The following RAB3B variants were observed in gnomAD, a reference collection of about 807,000 sequenced individuals.
RAB3B encodes RAB3B, member RAS oncogene family.
Under a neutral mutation model 20.5 loss-of-function variants are expected in RAB3B, and 11 were observed. The observed-to-expected ratio is 0.54, with a 90% CI of 0.34 to 0.89. The LOEUF is 0.89. Among genes scored for constraint, RAB3B ranks in the 40% least tolerant of loss-of-function variants. RAB3B has a pLI of 0.02. For synonymous variants in RAB3B, 99 were observed against 106.3 expected (o/e 0.93, Z 0.42); for missense variants, 225 against 280.9 (o/e 0.80, Z 1.42).
intron 2 of RAB3B, among the ~76,000 whole-genome samples, chr1:51,941,841 G>C (rs1684499024): frequency 6.6e-6 from 1 of 152,208 alleles, no homozygotes. Flanking sequence ...AGTTCTGGAA[G>C]ATATTTTCTC....
chr1:51,935,372 T>C (rs1416403683), intron 3 of RAB3B, among the ~76,000 whole-genome samples: 3 of 152,146 alleles, frequency 2.0e-5, no homozygotes, highest in African/African-American at 7.2e-5. Context: ...GCACTGGGGC[T>C]TGGATGGCAG....
chr1:51,970,063 C>T (rs575216366), intron 2 of RAB3B, among the ~76,000 whole-genome samples: 273 of 149,464 alleles, frequency 1.8e-3, no homozygotes, highest in South Asian at 4.8e-3. Flanking sequence ...GAGTTAGACC[C>T]TATCTCAAAA....
chr1:51,950,637 A>G (rs1684628753), intron 2 of RAB3B, among the ~76,000 whole-genome samples: 1 of 152,182 alleles, frequency 6.6e-6, no homozygotes, highest in African/African-American at 2.4e-5. Flanking sequence ...TTGAGAGGTC[A>G]CACAAAAAGT....
At chr1:51,930,037 C>T (rs931590118) in intron 4 of RAB3B, among the ~76,000 whole-genome samples, 2 of 152,124 alleles carry the variant, frequency 1.3e-5, no homozygotes, top group Admixed American at 6.5e-5. Flanking sequence ...TGTAAATAGG[C>T]AAGTTCTGGT....
chr1:51,959,523 G>A (rs1370876659), intron 2 of RAB3B, among the ~76,000 whole-genome samples: 1 of 152,056 alleles, frequency 6.6e-6, no homozygotes, highest in Non-Finnish European at 1.5e-5. Context: ...AAAAAAGGAA[G>A]AGAAACAAAA....
chr1:51,938,347 C>T (rs1203456894), intron 2 of RAB3B, among the ~76,000 whole-genome samples: 1 of 151,882 alleles, frequency 6.6e-6, no homozygotes, highest in Non-Finnish European at 1.5e-5. Flanking sequence ...ATTTTTCCCA[C>T]AAAATTAGAA....
intron 4 of RAB3B, among the ~76,000 whole-genome samples, chr1:51,928,618 C>T (rs1684280418): frequency 6.6e-6 from 1 of 152,142 alleles, no homozygotes; most frequent in Non-Finnish European, 1.5e-5. Flanking sequence ...TGAACATCCC[C>T]CTTCACTGTT....
At chr1:51,981,514 T>C (rs1685087183) in intron 1 of RAB3B, among the ~76,000 whole-genome samples, 1 of 152,256 alleles carries the variant, frequency 6.6e-6, no homozygotes, top group African/African-American at 2.4e-5. Flanking sequence ...GACCTATTTA[T>C]ACTTTTTATT....
Position 51,912,592 on chromosome 1 carries a change from TATATATATAAAA to T in RAB3B, c.*7323_*7334del, listed in dbSNP as rs1684020718. ...ATATATATATATATATATATATATA[TATATATATAAAA>T]AATGTTACTCCTGTGAGACAGAATG... On this transcript the variant is annotated 3_prime_UTR_variant, in exon 5 of 5. Transcript: ENST00000371655. The T allele has an allele frequency of 1.2e-4, 5 of 41,750 alleles. 1 individual carries two copies. Among genetic ancestry groups the T allele is most frequent in the Non-Finnish European group, 1.8e-4 (4 of 21,820 alleles). 2.6% of individuals were successfully genotyped at this position (41,750 alleles called of 1,614,324 possible).
At chr1:51,957,025 A>G (rs1052867992) in intron 2 of RAB3B, among the ~76,000 whole-genome samples, 2 of 152,190 alleles carry the variant, frequency 1.3e-5, no homozygotes, top group South Asian at 2.1e-4. Context: ...CCACCAGACT[A>G]TAAAATCTTC....
intron 2 of RAB3B, among the ~76,000 whole-genome samples, chr1:51,961,257 G>T (rs1280898085): frequency 6.6e-6 from 1 of 152,196 alleles, no homozygotes; most frequent in Non-Finnish European, 1.5e-5. Flanking sequence ...CTGTGAAGTT[G>T]TAGTGGGACA....
intron 2 of RAB3B, among the ~76,000 whole-genome samples, chr1:51,954,527 T>A (rs531687738): frequency 1.1e-3 from 174 of 152,318 alleles, no homozygotes; most frequent in South Asian, 2.9e-3. Flanking sequence ...ATTCTTATTA[T>A]TATTACCAGT....
chr1:51,919,933 T>A lies in RAB3B; in HGVS notation c.654A>T (p.Ser218=). The part of the protein sequence containing the change: ...DTPPLLQQNC[S]C ...TCAGGAAGGTGGGCCTTGCCTAGCA[T>A]GAGCAGTTCTGCTGCAGCAGCGGTG... Residue 218 remains serine (S), a synonymous_variant, in exon 5 of 5, where the codon TCA becomes TCT. Coordinates refer to ENST00000371655, the MANE Select transcript of RAB3B (RefSeq NM_002867.4). The A allele has an allele frequency of 6.2e-7, 1 of 1,612,358 alleles. No homozygotes were observed. The highest frequency in any genetic ancestry group is 8.5e-7 in the Non-Finnish European group (1 of 1,179,132).
chr1:51,925,811 C>T (rs188509783), intron 4 of RAB3B, among the ~76,000 whole-genome samples: 1 of 152,122 alleles, frequency 6.6e-6, no homozygotes, highest in Non-Finnish European at 1.5e-5. Flanking sequence ...TTCTTTAAAC[C>T]AGAAGGAATT....
At chr1:51,963,580 G>A (rs955740889) in intron 2 of RAB3B, among the ~76,000 whole-genome samples, 7 of 152,082 alleles carry the variant, frequency 4.6e-5, no homozygotes, top group African/African-American at 1.7e-4. Context: ...ATGCTAATCA[G>A]CAATCAAATT....
intron 2 of RAB3B, among the ~76,000 whole-genome samples, chr1:51,956,568 C>G (rs185670880): frequency 1.0e-3 from 158 of 152,296 alleles, no homozygotes; most frequent in Non-Finnish European, 1.6e-3. Flanking sequence ...AGGTTCTGAC[C>G]AACCTGGACA....
At chr1:51,949,945 A>C (rs562739522) in intron 2 of RAB3B, among the ~76,000 whole-genome samples, 10 of 152,302 alleles carry the variant, frequency 6.6e-5, no homozygotes, top group African/African-American at 2.2e-4. Flanking sequence ...CTGTAGGGTG[A>C]TGAGGGTGGA....
chr1:51,965,510 G>A (rs368651311), intron 2 of RAB3B, among the ~76,000 whole-genome samples: 9 of 152,064 alleles, frequency 5.9e-5, no homozygotes, highest in African/African-American at 7.2e-5. Flanking sequence ...AGCCGGGTGC[G>A]GTGGGGGGCA....
At position 51,920,048 on chromosome 1, in the gene RAB3B, A is replaced by G. The variant is rs750037920; in HGVS notation, c.539T>C (p.Val180Ala). ...AGACATCTTGTCACAAATGGCATCC[A>G]CCAGGCGCTCAAAGGCCTGCCTTAC... ...ISVRQAFERLVDAICDKMSDS... is the reference protein window; with the variant it reads ...ISVRQAFERLADAICDKMSDS... Residue 180 changes from valine to alanine, a missense_variant, in exon 5 of 5, where the codon GTG becomes GCG. Physicochemically the swap from Val to Ala is moderately conservative, Grantham distance 64. Transcript: ENST00000371655. 1.2e-6 allele frequency: 2 copies of G among 1,614,136 alleles called. No homozygotes were observed. The highest frequency in any genetic ancestry group is 2.2e-5 in the South Asian group (2 of 91,082).
Sources: allele counts gnomAD v4.1 joint callset (sites outside exome capture counted in the v4.1 genomes callset), GRCh38; gene constraint gnomAD v4.1.1; transcripts MANE v1.5; gene names NCBI Gene and HGNC (gene_info 2026-07-23, HGNC 2026-07-21).